Variants in AGBL4 observed in about 807,000 individuals in gnomAD.
The protein encoded by AGBL4 is cytosolic carboxypeptidase 6.
A neutral mutation model predicts 66.4 loss-of-function variants in AGBL4; 58 were observed. The observed-to-expected ratio is 0.87, with a 90% CI of 0.71 to 1.09. The LOEUF is 1.09. Among genes scored for constraint, AGBL4 ranks in the 50% least tolerant of loss-of-function variants. AGBL4 has a pLI of 0.00. For missense variants in AGBL4, 579 were observed against 631.0 expected (o/e 0.92, Z 0.88); for synonymous variants, 234 against 222.9 (o/e 1.05, Z -0.44).
At chr1:49,003,639 C>T (rs557454159) in intron 5 of AGBL4, among the ~76,000 whole-genome samples, 75 of 152,192 alleles carry the variant, frequency 4.9e-4, no homozygotes, top group African/African-American at 1.7e-3. Flanking sequence ...CCTTTCACAG[C>T]ATGGCTCTTC....
chr1:48,639,500 T>C (rs543227842), intron 8 of AGBL4, among the ~76,000 whole-genome samples: 1 of 152,318 alleles, frequency 6.6e-6, no homozygotes, highest in African/African-American at 2.4e-5. Flanking sequence ...TCTCAATATA[T>C]GATTCTAAAG....
intron 3 of AGBL4, among the ~76,000 whole-genome samples, chr1:49,684,439 G>T (rs993500502): frequency 2.5e-4 from 38 of 152,068 alleles, no homozygotes; most frequent in Non-Finnish European, 5.4e-4. Flanking sequence ...GTCTAAATTT[G>T]GGTCTTTTTT....
intron 6 of AGBL4, among the ~76,000 whole-genome samples, chr1:48,727,038 A>T (rs1194595442): frequency 2.0e-5 from 3 of 152,228 alleles, no homozygotes; most frequent in Non-Finnish European, 4.4e-5. Flanking sequence ...AATCAACAGG[A>T]AGTTCTAATG....
At chr1:48,527,223 T>C in the AGBL4 span, among the ~76,000 whole-genome samples, 1 of 152,086 alleles carries the variant, frequency 6.6e-6, no homozygotes, top group Non-Finnish European at 1.5e-5. Context: ...ATGGGAGGTG[T>C]GAAGACAAAT....
intron 7 of AGBL4, among the ~76,000 whole-genome samples, chr1:48,654,179 A>T (rs114262084): frequency 0.065 from 9,819 of 152,158 alleles, 1,012 homozygotes; most frequent in African/African-American, 0.22. Context: ...TGAATGGAGC[A>T]AATCTTCCCC....
At chr1:49,754,350 GGTTA>G (rs932416481) in intron 2 of AGBL4, among the ~76,000 whole-genome samples, 19 of 151,142 alleles carry the variant, frequency 1.3e-4, no homozygotes, top group Non-Finnish European at 2.8e-4. Context: ...ACATTGTGCA[GGTTA>G]GTTACATATG....
intron 11 of AGBL4, among the ~76,000 whole-genome samples, chr1:48,571,531 G>T (rs1035053838): frequency 2.6e-5 from 4 of 152,242 alleles, no homozygotes; most frequent in African/African-American, 9.6e-5. Flanking sequence ...GCATCCTCAT[G>T]ACACTCATGT....
At chr1:48,783,050 CT>C (rs1277900527) in intron 6 of AGBL4, among the ~76,000 whole-genome samples, 10 of 152,212 alleles carry the variant, frequency 6.6e-5, no homozygotes, top group African/African-American at 2.4e-4. Flanking sequence ...GCTTCTTTTA[CT>C]TAATAATATG....
At chr1:49,345,896 G>T (rs1645625140) in intron 3 of AGBL4, among the ~76,000 whole-genome samples, 2 of 152,094 alleles carry the variant, frequency 1.3e-5, no homozygotes, top group African/African-American at 4.8e-5. Context: ...GCTTTGACTG[G>T]AATTGCTTGA....
At chr1:49,620,818 C>T (rs1280875658) in intron 3 of AGBL4, among the ~76,000 whole-genome samples, 1 of 151,858 alleles carries the variant, frequency 6.6e-6, no homozygotes, top group Non-Finnish European at 1.5e-5. Flanking sequence ...AGTACACATG[C>T]TAAGGATAAT....
intron 1 of AGBL4, among the ~76,000 whole-genome samples, chr1:49,996,726 C>T (rs1200632713): frequency 6.6e-6 from 1 of 152,158 alleles, no homozygotes; most frequent in Non-Finnish European, 1.5e-5. Flanking sequence ...CTGGGAAATT[C>T]ATCACAAAAA....
At chr1:48,825,763 G>A (rs1570760379) in intron 6 of AGBL4, among the ~76,000 whole-genome samples, 1 of 152,162 alleles carries the variant, frequency 6.6e-6, no homozygotes, top group African/African-American at 2.4e-5. Flanking sequence ...AAAACTCAGA[G>A]CATCTAAGAG....
chr1:48,710,155 G>C (rs1646943495), intron 6 of AGBL4, among the ~76,000 whole-genome samples: 1 of 152,140 alleles, frequency 6.6e-6, no homozygotes, highest in Non-Finnish European at 1.5e-5. Flanking sequence ...AGCAGCAGTT[G>C]CAACTATGAA....
Position 50,011,657 on chromosome 1 carries a change from T to A in AGBL4, c.34+12106A>T, listed in dbSNP as rs1192629424. ...AAGTGTCCAACAACAGATGAATGGA[T>A]AAAGAAAATGTGGTACATACACACA... is the stretch of plus-strand genomic sequence containing the variant. On this transcript the variant is annotated intron_variant, in intron 1 of 13. Transcript: ENST00000371839. Among the ~76,000 whole-genome samples the A allele has an allele frequency of 2.0e-5, 3 of 152,028 alleles. No individual in the cohort carries two copies. The East Asian group carries it at 5.8e-4, about 29-fold the overall frequency.
intron 2 of AGBL4, among the ~76,000 whole-genome samples, chr1:49,778,578 G>C (rs1021849319): frequency 2.6e-5 from 4 of 152,306 alleles, no homozygotes; most frequent in African/African-American, 9.6e-5. Context: ...TGGAATGCAA[G>C]ACCAGGAAGT....
chr1:49,457,719 T>G (rs1359860378), intron 3 of AGBL4, among the ~76,000 whole-genome samples: 1 of 151,870 alleles, frequency 6.6e-6, no homozygotes, highest in Non-Finnish European at 1.5e-5. Flanking sequence ...CTTTGATCCA[T>G]CTTTAGTTTA....
intron 3 of AGBL4, among the ~76,000 whole-genome samples, chr1:49,287,365 G>A (rs1415298199): frequency 6.8e-6 from 1 of 147,720 alleles, no homozygotes; most frequent in Non-Finnish European, 1.5e-5. Context: ...TGACAAATGG[G>A]ATCTAATTAA....
chr1:49,522,083 A>G (rs1208133898), intron 3 of AGBL4, among the ~76,000 whole-genome samples: 1 of 152,168 alleles, frequency 6.6e-6, no homozygotes, highest in Non-Finnish European at 1.5e-5. Context: ...AATTATAAAA[A>G]CAGAAAAATT....
intron 1 of AGBL4, among the ~76,000 whole-genome samples, chr1:49,862,539 G>T (rs1646599602): frequency 6.6e-6 from 1 of 152,002 alleles, no homozygotes; most frequent in Non-Finnish European, 1.5e-5. Context: ...AGCACAAAAA[G>T]GTTATGGAAC....
Sources: allele counts gnomAD v4.1 joint callset (sites outside exome capture counted in the v4.1 genomes callset), GRCh38; gene constraint gnomAD v4.1.1; transcripts MANE v1.5; gene names NCBI Gene and HGNC (gene_info 2026-07-23, HGNC 2026-07-21).